Variants in SNTG2 observed in about 807,000 individuals in gnomAD.
The protein encoded by SNTG2 is syntrophin gamma 2, also known as gamma-2-syntrophin.
Under a neutral mutation model 70.9 loss-of-function variants are expected in SNTG2, and 74 were observed. That is an observed-to-expected ratio of 1.04 (90% CI 0.86 to 1.27). The LOEUF is 1.27. SNTG2 is among the 50% of genes most tolerant of loss of function. The pLI, the probability that SNTG2 is intolerant of heterozygous loss-of-function variation, is 0.00. For missense variants in SNTG2, 717 were observed against 690.7 expected (o/e 1.04, Z -0.43); for synonymous variants, 278 against 273.8 (o/e 1.02, Z -0.15).
At chr2:1,141,443 A>G (rs1668743189) in intron 6 of SNTG2, among the ~76,000 whole-genome samples, 3 of 152,206 alleles carry the variant, frequency 2.0e-5, no homozygotes. Context: ...GCTGTTTACC[A>G]GGTATCAGGG....
At chr2:994,741 C>T (rs748665695) in intron 1 of SNTG2, among the ~76,000 whole-genome samples, 23 of 151,774 alleles carry the variant, frequency 1.5e-4, no homozygotes, top group Non-Finnish European at 3.2e-4. Flanking sequence ...ATTTCATTTT[C>T]ATTAACAATG....
chr2:1,278,582 T>G (rs1679367179), intron 14 of SNTG2, among the ~76,000 whole-genome samples: 1 of 152,244 alleles, frequency 6.6e-6, no homozygotes, highest in Non-Finnish European at 1.5e-5. Context: ...ATTCTGTTTT[T>G]CTTGCTGCTT....
intron 15 of SNTG2, among the ~76,000 whole-genome samples, chr2:1,311,041 T>A (rs1047398195): frequency 6.6e-6 from 1 of 152,216 alleles, no homozygotes; most frequent in Non-Finnish European, 1.5e-5. Context: ...TGGGCAGTGC[T>A]AGAGTAAGCA....
intron 1 of SNTG2, among the ~76,000 whole-genome samples, chr2:987,907 C>T (rs1056762495): frequency 7.2e-5 from 11 of 152,166 alleles, no homozygotes; most frequent in East Asian, 1.9e-4. Context: ...CATTTCTGCC[C>T]GGCAGTTCCA....
intron 8 of SNTG2, among the ~76,000 whole-genome samples, chr2:1,207,502 C>T (rs1193245957): frequency 1.3e-5 from 2 of 152,210 alleles, no homozygotes; most frequent in East Asian, 3.8e-4. Flanking sequence ...AGTGTCCATT[C>T]CCCCATCCCA....
intron 4 of SNTG2, among the ~76,000 whole-genome samples, chr2:1,119,427 G>A (rs934902400): frequency 2.0e-5 from 3 of 152,098 alleles, no homozygotes; most frequent in Non-Finnish European, 2.9e-5. Context: ...CATGTCTCCA[G>A]TATGAAGGTA....
chr2:1,333,273 A>G (rs1659625789), intron 16 of SNTG2, among the ~76,000 whole-genome samples: 1 of 152,222 alleles, frequency 6.6e-6, no homozygotes, highest in Non-Finnish European at 1.5e-5. Context: ...AAGGGAAACT[A>G]CAAAACACTG....
rs1410421126 is a variant in SNTG2, at chr2:1,184,358, TAAAAAC to T, written c.591+11178_591+11183del. On this transcript the variant is annotated intron_variant, in intron 8 of 16. Coordinates refer to ENST00000308624, the MANE Select transcript of SNTG2 (RefSeq NM_018968.4). ...ACTACATAGATGAGTGAGCAAAAAA[TAAAAAC>T]AATAGACTCAGGCAACTAAAACGTA... Among the ~76,000 whole-genome samples the T allele has an allele frequency of 3.3e-5, 5 of 151,914 alleles. No individual in the cohort carries two copies. The East Asian group carries it at 9.7e-4, about 29-fold the overall frequency.
At chr2:991,396 C>CACACACAT (rs1173532682) in intron 1 of SNTG2, among the ~76,000 whole-genome samples, 9 of 151,964 alleles carry the variant, frequency 5.9e-5, no homozygotes, top group African/African-American at 2.2e-4. Context: ...CACACACACA[C>CACACACAT]ACACACACAC....
rs116764954 is a variant in SNTG2, at chr2:966,133, C to T, written c.72+15065C>T. ...GGCATTTGCTCTTGTGGGGCCTGGACCAGAACCCACCTTGTCCCACCTCCC... is the reference window on the plus strand; with the variant it reads ...GGCATTTGCTCTTGTGGGGCCTGGATCAGAACCCACCTTGTCCCACCTCCC... On this transcript the variant is annotated intron_variant, in intron 1 of 16. Coordinates refer to ENST00000308624, the MANE Select transcript of SNTG2 (RefSeq NM_018968.4). Among the ~76,000 whole-genome samples the T allele has an allele frequency of 8.8e-3, 1,338 of 152,336 alleles. 24 individuals are homozygous for T. The highest frequency in any genetic ancestry group is 0.03 in the African/African-American group (1,262 of 41,570).
Position 1,317,099 on chromosome 2 carries a change from C to G in SNTG2, c.1488+724C>G, listed in dbSNP as rs369656426. ...GGATTCTGGAGCATTTAGCATCAGG[C>G]CAGCATTGGAGAAGGTTGGGATTCT... On this transcript the variant is annotated intron_variant, in intron 16 of 16. Transcript: ENST00000308624. 6.4e-5 allele frequency among the ~76,000 whole-genome samples: 5 copies of G among 78,382 alleles called. 1 individual carries two copies. The highest frequency in any genetic ancestry group is 1.4e-4 in the African/African-American group (3 of 20,900). The allele number at this position is 78,382 out of a possible 152,430, so 51.4% of individuals were successfully genotyped here.
intron 14 of SNTG2, among the ~76,000 whole-genome samples, chr2:1,279,867 A>T (rs1168472504): frequency 6.6e-6 from 1 of 152,248 alleles, no homozygotes; most frequent in Admixed American, 6.5e-5. Context: ...AGACTGATGC[A>T]CATGCTGCCT....
chr2:979,992 T>G (rs1373030367), intron 1 of SNTG2, among the ~76,000 whole-genome samples: 1 of 152,154 alleles, frequency 6.6e-6, no homozygotes, highest in African/African-American at 2.4e-5. Context: ...AGTAAGTAAA[T>G]TTTTATTCAA....
chr2:1,357,962 T>C (rs990678034), intron 16 of SNTG2, among the ~76,000 whole-genome samples: 1 of 152,154 alleles, frequency 6.6e-6, no homozygotes, highest in Non-Finnish European at 1.5e-5. Context: ...ACAACAGACA[T>C]TTATTTCTTA....
intron 8 of SNTG2, among the ~76,000 whole-genome samples, chr2:1,182,875 TC>T (rs2147917009): frequency 1.3e-5 from 2 of 152,198 alleles, no homozygotes; most frequent in African/African-American, 4.8e-5. Flanking sequence ...AACTCAGCCT[TC>T]CCAGTAGCTG....
chr2:1,255,484 G>T (rs1232263842), intron 12 of SNTG2, among the ~76,000 whole-genome samples: 1 of 152,122 alleles, frequency 6.6e-6, no homozygotes, highest in East Asian at 1.9e-4. Flanking sequence ...CAGAGATGCC[G>T]AGGCTGTTGC....
rs1218135806 is a variant in SNTG2 at position 965,086 on chromosome 2, CTGGACTCCAGTTCTCCTCCT to C, written c.72+14024_72+14043del. ...TCCTCCTTAGTCCCCCAGTCCTCCT[CTGGACTCCAGTTCTCCTCCT>C]TGGACCCCAGTCCTCCTCCTTGGAC... On this transcript the variant is annotated intron_variant, in intron 1 of 16. Coordinates refer to ENST00000308624, the MANE Select transcript of SNTG2 (RefSeq NM_018968.4). Among the ~76,000 whole-genome samples, 249 of 151,662 alleles carry C rather than the reference CTGGACTCCAGTTCTCCTCCT, an allele frequency of 1.6e-3. 2 individuals carry two copies. Among genetic ancestry groups the C allele is most frequent in the Non-Finnish European group, 2.0e-3 (134 of 67,834 alleles).
chr2:1,204,327 CA>C (rs538875555), intron 8 of SNTG2, among the ~76,000 whole-genome samples: 3 of 151,994 alleles, frequency 2.0e-5, no homozygotes, highest in South Asian at 2.1e-4. Flanking sequence ...CAGTTACAAA[CA>C]AAAAAAGTGC....
chr2:1,305,676 T>C (rs369855884), intron 14 of SNTG2, among the ~76,000 whole-genome samples: 1 of 152,160 alleles, frequency 6.6e-6, no homozygotes, highest in African/African-American at 2.4e-5. Flanking sequence ...AAAATGCAAA[T>C]GATGAGACAC....
Sources: gnomAD v4.1 joint callset for allele counts (sites outside exome capture counted in the v4.1 genomes callset) on GRCh38, gnomAD v4.1.1 for gene constraint, MANE v1.5 for transcripts, NCBI Gene and HGNC (gene_info 2026-07-23, HGNC 2026-07-21) for gene names.